The following ATXN1 variants were observed in gnomAD, a reference collection of about 807,000 sequenced individuals.
ATXN1 encodes the protein ataxin 1.
ATXN1 carries 8 observed loss-of-function variants against 56.4 expected under a neutral mutation model. That is an observed-to-expected ratio of 0.14 (90% confidence interval 0.08 to 0.26). The LOEUF is 0.26. ATXN1 is among the 10% of genes least tolerant of loss of function. The pLI is 1.00. For synonymous variants in ATXN1, 514 were observed against 494.6 expected (o/e 1.04, Z -0.52); for missense variants, 987 against 1,106.5 (o/e 0.89, Z 1.53).
intron 6 of ATXN1, among the ~76,000 whole-genome samples, chr6:16,481,896 G>A (rs1219360191): frequency 6.6e-6 from 1 of 152,090 alleles, no homozygotes; most frequent in Non-Finnish European, 1.5e-5. Flanking sequence ...AGGGCAGGAT[G>A]CTCACAAACA....
intron 3 of ATXN1, among the ~76,000 whole-genome samples, chr6:16,586,524 C>T (rs1303624060): frequency 2.0e-5 from 3 of 152,174 alleles, no homozygotes; most frequent in South Asian, 4.1e-4. Context: ...ACACACATTG[C>T]CCCACTCCAC....
chr6:16,611,829 T>A (rs1422449168), intron 3 of ATXN1, among the ~76,000 whole-genome samples: 2 of 147,746 alleles, frequency 1.4e-5, no homozygotes, highest in East Asian at 4.1e-4. Context: ...ATTCAGTCCT[T>A]GGAAAAATAA....
At chr6:16,672,146 G>A (rs960737655) in intron 2 of ATXN1, among the ~76,000 whole-genome samples, 1 of 152,106 alleles carries the variant, frequency 6.6e-6, no homozygotes, top group African/African-American at 2.4e-5. Context: ...TCAAGTCCTA[G>A]GGCCTCTGGT....
chr6:16,412,334 T>C (rs1758816205), intron 6 of ATXN1, among the ~76,000 whole-genome samples: 1 of 152,208 alleles, frequency 6.6e-6, no homozygotes, highest in South Asian at 2.1e-4. Flanking sequence ...TTGGACAGCC[T>C]CCTGCGTGTC....
At chr6:16,696,158 A>G (rs761835036) in intron 2 of ATXN1, among the ~76,000 whole-genome samples, 3 of 152,192 alleles carry the variant, frequency 2.0e-5, no homozygotes, top group Non-Finnish European at 4.4e-5. Context: ...CACACTGGCT[A>G]GGTGGAGAGA....
intron 2 of ATXN1, among the ~76,000 whole-genome samples, chr6:16,717,961 C>T (rs971817824): frequency 6.6e-5 from 10 of 152,210 alleles, no homozygotes; most frequent in Admixed American, 2.0e-4. Context: ...TTTCTGTTTG[C>T]TTCCCTATAC....
intron 6 of ATXN1, among the ~76,000 whole-genome samples, chr6:16,411,658 CA>C (rs1393013338): frequency 6.6e-6 from 1 of 152,096 alleles, no homozygotes; most frequent in Admixed American, 6.5e-5. Flanking sequence ...TGAAGACGTT[CA>C]AGGATAATTA....
At chr6:16,388,778 A>G (rs1758291871) in intron 6 of ATXN1, among the ~76,000 whole-genome samples, 1 of 152,174 alleles carries the variant, frequency 6.6e-6, no homozygotes, top group Non-Finnish European at 1.5e-5. Flanking sequence ...TGGGTTACTG[A>G]ACTTTTCTAA....
intron 4 of ATXN1, among the ~76,000 whole-genome samples, chr6:16,571,171 G>A (rs1157964823): frequency 1.3e-5 from 2 of 152,142 alleles, no homozygotes; most frequent in African/African-American, 2.4e-5. Flanking sequence ...GACAGCTATT[G>A]TATTGAATGC....
chr6:16,664,381 A>AT (rs1236604679), intron 2 of ATXN1, among the ~76,000 whole-genome samples: 1 of 152,154 alleles, frequency 6.6e-6, no homozygotes, highest in East Asian at 1.9e-4. Flanking sequence ...CTTGCTTTTA[A>AT]TTTTTTTGTT....
At chr6:16,460,094 C>T (rs943276576) in intron 6 of ATXN1, among the ~76,000 whole-genome samples, 5 of 152,104 alleles carry the variant, frequency 3.3e-5, no homozygotes, top group Non-Finnish European at 5.9e-5. Context: ...TCCCCGGATA[C>T]AGCGAGATGG....
At chr6:16,537,625 G>A (rs2113712870) in intron 4 of ATXN1, among the ~76,000 whole-genome samples, 1 of 151,408 alleles carries the variant, frequency 6.6e-6, no homozygotes, top group South Asian at 2.1e-4. Context: ...AGAATCGCTT[G>A]AACCCAGGAG....
At chr6:16,689,804 C>A (rs1363176121) in intron 2 of ATXN1, among the ~76,000 whole-genome samples, 1 of 151,850 alleles carries the variant, frequency 6.6e-6, no homozygotes, top group Non-Finnish European at 1.5e-5. Flanking sequence ...ATTTATAATA[C>A]CTTATTATGA....
At chr6:16,722,182 G>A (rs1045187810) in intron 2 of ATXN1, among the ~76,000 whole-genome samples, 3 of 152,264 alleles carry the variant, frequency 2.0e-5, no homozygotes, top group South Asian at 2.1e-4. Flanking sequence ...GTCCAAGCAC[G>A]CACATTACAC....
chr6:16,736,756 G>A (rs1162271740), intron 2 of ATXN1: 1 of 152,180 alleles, frequency 6.6e-6, no homozygotes, highest in Non-Finnish European at 1.5e-5. Flanking sequence ...ACTTCAAACT[G>A]AAATAGATTC....
intron 5 of ATXN1, among the ~76,000 whole-genome samples, chr6:16,493,693 GTAT>G: frequency 6.6e-6 from 1 of 152,200 alleles, no homozygotes; most frequent in Non-Finnish European, 1.5e-5. Flanking sequence ...TGATAACATG[GTAT>G]TATATTACAT....
At chr6:16,679,248 GTGGA>G (rs1211704482) in intron 2 of ATXN1, among the ~76,000 whole-genome samples, 13 of 147,302 alleles carry the variant, frequency 8.8e-5, no homozygotes, top group Admixed American at 3.4e-4. Flanking sequence ...GGATGGGTGG[GTGGA>G]TGGATGGATG....
At chr6:16,699,099 T>C (rs9383201) in intron 2 of ATXN1, among the ~76,000 whole-genome samples, 45,623 of 152,092 alleles carry the variant, frequency 0.3, 7,213 homozygotes, top group East Asian at 0.44. Context: ...AAGGAATAAA[T>C]GTGGGGCTAC....
rs1760036433 is a variant in ATXN1 at position 16,299,744 on chromosome 6, A to G, written c.*6585T>C. ...CTGTCTAATCTGAAGGTCACCACAAATACTGACAGGACTATCTTGAAACCT... is the reference window on the plus strand; with the variant it reads ...CTGTCTAATCTGAAGGTCACCACAAGTACTGACAGGACTATCTTGAAACCT... On this transcript the variant is annotated 3_prime_UTR_variant, in exon 8 of 8. Coordinates refer to ENST00000436367, the MANE Select transcript of ATXN1 (RefSeq NM_001128164.2). 1 of 152,674 alleles carries G rather than the reference A, an allele frequency of 6.5e-6. No individual in the cohort carries two copies. Among genetic ancestry groups the G allele is most frequent in the Non-Finnish European group, 1.5e-5 (1 of 68,048 alleles). 9.5% of individuals were successfully genotyped at this position (152,674 alleles called of 1,614,324 possible).
Sources: gnomAD v4.1 joint callset for allele counts (sites outside exome capture counted in the v4.1 genomes callset) on GRCh38, gnomAD v4.1.1 for gene constraint, MANE v1.5 for transcripts, NCBI Gene and HGNC (gene_info 2026-07-23, HGNC 2026-07-21) for gene names.